Variants in ZNF75D observed in about 807,000 individuals in gnomAD.
ZNF75D encodes the protein zinc finger protein 75.
ZNF75D carries 33 observed loss-of-function variants against 33.3 expected under a neutral mutation model. The ratio of observed to expected loss-of-function variants is 0.99; its 90% CI spans 0.75 to 1.32. The LOEUF (loss-of-function observed/expected upper bound fraction) is 1.32, where lower values mean the gene tolerates loss of function less well. Ranked by LOEUF, ZNF75D falls within the 40% of genes most tolerant of loss-of-function variation. ZNF75D has a pLI of 0.00. For missense variants in ZNF75D, 338 were observed against 367.5 expected (o/e 0.92, Z 0.66); for synonymous variants, 113 against 130.6 (o/e 0.87, Z 0.92).
chrX:135,318,700 G>T (rs1472527122), intron 1 of ZNF75D, among the ~76,000 whole-genome samples: 1 of 110,808 alleles, frequency 9.0e-6, no homozygotes, highest in African/African-American at 3.3e-5. Flanking sequence ...CCAGACAAAA[G>T]ATGCCTTAAA....
chrX:135,329,495 C>G (rs2084625357), intron 1 of ZNF75D, among the ~76,000 whole-genome samples: 1 of 111,975 alleles, frequency 8.9e-6, no homozygotes, highest in African/African-American at 3.3e-5. Context: ...CCAGGGTGTT[C>G]TCAAACGCCT....
intron 1 of ZNF75D, among the ~76,000 whole-genome samples, chrX:135,306,337 G>A (rs1408401463): frequency 1.9e-4 from 17 of 88,475 alleles, no homozygotes; most frequent in African/African-American, 7.1e-4. Context: ...ACACACACAC[G>A]GGATTATAAA....
At chrX:135,263,786 C>A (rs1556415936) in intron 1 of ZNF75D, among the ~76,000 whole-genome samples, 1 of 112,823 alleles carries the variant, frequency 8.9e-6, no homozygotes, top group Admixed American at 9.3e-5. Flanking sequence ...TGAGGCGACA[C>A]CCCGCCCTGC....
At chrX:135,268,997 GA>G (rs1455954951) in intron 1 of ZNF75D, among the ~76,000 whole-genome samples, 5 of 111,736 alleles carry the variant, frequency 4.5e-5, no homozygotes, top group African/African-American at 1.6e-4. Flanking sequence ...ATACACTGGG[GA>G]AAAGACAGTC....
At chrX:135,320,522 G>T (rs2148487735) in intron 1 of ZNF75D, among the ~76,000 whole-genome samples, 1 of 111,353 alleles carries the variant, frequency 9.0e-6, no homozygotes, top group Admixed American at 9.5e-5. Context: ...GCCCTTATCT[G>T]GTTGTCTGGT....
intron 1 of ZNF75D, among the ~76,000 whole-genome samples, chrX:135,303,930 TG>T (rs2084253139): frequency 8.9e-6 from 1 of 112,796 alleles, no homozygotes; most frequent in South Asian, 3.7e-4. Context: ...GACAAGCAGT[TG>T]GGCTCCTTAA....
At chrX:135,323,668 C>G (rs1640120670) in intron 1 of ZNF75D, among the ~76,000 whole-genome samples, 1 of 111,988 alleles carries the variant, frequency 8.9e-6, no homozygotes, top group African/African-American at 3.2e-5. Context: ...TCAATGTAAT[C>G]TGAGACACAC....
In ZNF75D at chrX:135,287,197, G is replaced by T. The variant is rs1326491646; in HGVS notation, c.1473C>A (p.Ser491Arg). The T allele has an allele frequency of 8.3e-6, 10 of 1,210,901 alleles. No homozygotes were observed. The highest frequency in any genetic ancestry group is 1.0e-5 in the Non-Finnish European group (9 of 895,304). ...TGTGGAGTTTCTGGTGTCTAAGAAG[G>T]CTCGATCGCCTACTAAAGTTTCTCT... Reference protein sequence around the residue: ...LCKRNFSRRSSLLRHQKLHRR... With the variant: ...LCKRNFSRRSRLLRHQKLHRR... Residue 491 changes from serine (S) to arginine (R), a missense_variant, in exon 7 of 7, where the codon AGC becomes AGA. By Grantham distance (110) the Ser-to-Arg change is moderately radical. Transcript: ENST00000370766.
chrX:135,292,306 T>G lies in ZNF75D; in HGVS notation c.579A>C (p.Lys193Asn), dbSNP rs2148471378. Residue 193 changes from lysine (K) to asparagine (N), a missense_variant, in exon 4 of 7, where the codon AAA becomes AAC. By Grantham distance (94) the Lys-to-Asn change is moderately conservative. Around this residue, in one of 3 missense-constraint regions of ZNF75D, gnomAD observed 254 missense variants for 267.7 expected, o/e 0.95. Coordinates refer to ENST00000370766, the MANE Select transcript of ZNF75D (RefSeq NM_007131.5). ...CTCTTTCATATACAGGCTGGGTTTCTTTGTGAGTGTTCCAGCCCAGCTGTT... is the reference window on the plus strand; with the variant it reads ...CTCTTTCATATACAGGCTGGGTTTCGTTGTGAGTGTTCCAGCCCAGCTGTT... ...LQEQLGWNTHKETQPVYERAV... is the reference protein window; with the variant it reads ...LQEQLGWNTHNETQPVYERAV... The G allele has an allele frequency of 8.3e-7, 1 of 1,209,824 alleles. No individual in the cohort carries two copies. Among genetic ancestry groups the G allele is most frequent in the South Asian group, 1.8e-5 (1 of 56,755 alleles).
rs1314378729 is a variant in ZNF75D at position 135,287,706 on chromosome X, C to T, written c.964G>A (p.Asp322Asn). The change falls in exon 7 of 7, where the codon GAT (aspartate) becomes AAT (asparagine). Residue 322 changes from aspartate (D) to asparagine (N), a missense_variant. Asp to Asn is a conservative substitution (Grantham distance 23). This residue lies in a region of ZNF75D where 254 missense variants were observed against 267.7 expected (regional missense o/e 0.95). Transcript: ENST00000370766. Reference sequence around the variant, plus strand: ...TGCCATTTCTGTACACTGTGTGTATCACCAGGATTTTCCCTGCCCATTGTT... The same window carrying T: ...TGCCATTTCTGTACACTGTGTGTATTACCAGGATTTTCCCTGCCCATTGTT... ...QKTMGRENPGDTHSVQKWHRA... is the reference protein window; with the variant it reads ...QKTMGRENPGNTHSVQKWHRA... 8.3e-7 allele frequency: 1 copy of T among 1,210,590 alleles called. No homozygotes were observed. The highest frequency in any genetic ancestry group is 1.1e-6 in the Non-Finnish European group (1 of 895,299).
chrX:135,303,934 C>T (rs184243651), intron 1 of ZNF75D, among the ~76,000 whole-genome samples: 13 of 112,802 alleles, frequency 1.2e-4, no homozygotes, highest in African/African-American at 3.9e-4. Flanking sequence ...AGCAGTTGGG[C>T]TCCTTAAACA....
chrX:135,270,892 G>A (rs782569563), intron 1 of ZNF75D, among the ~76,000 whole-genome samples: 4 of 112,088 alleles, frequency 3.6e-5, no homozygotes, highest in East Asian at 2.8e-4. Context: ...ATCTTGCCTC[G>A]AATATTTTAA....
chrX:135,258,646 GTTT>G (rs1205805577), intron 1 of ZNF75D, among the ~76,000 whole-genome samples: 1 of 111,260 alleles, frequency 9.0e-6, no homozygotes, highest in Non-Finnish European at 1.9e-5. Flanking sequence ...GGGGTTGTTT[GTTT>G]TTTTCTTGCA....
At chrX:135,296,403 T>C (rs1212979284) in intron 1 of ZNF75D, among the ~76,000 whole-genome samples, 1 of 111,700 alleles carries the variant, frequency 9.0e-6, no homozygotes, top group Admixed American at 9.5e-5. Flanking sequence ...CAGCCCATTC[T>C]ACCAGGAGCC....
chrX:135,268,692 A>G (rs2083871446), intron 1 of ZNF75D, among the ~76,000 whole-genome samples: 1 of 111,040 alleles, frequency 9.0e-6, no homozygotes, highest in African/African-American at 3.3e-5. Flanking sequence ...TACAGATTCA[A>G]TGCAATCCCT....
chrX:135,258,754 A>C (rs1185829549), intron 1 of ZNF75D, among the ~76,000 whole-genome samples: 1 of 111,227 alleles, frequency 9.0e-6, no homozygotes, highest in Non-Finnish European at 1.9e-5. Flanking sequence ...TTGCCTGTTC[A>C]CTCTGATGGT....
At chrX:135,297,647 T>C (rs1403604025) in intron 1 of ZNF75D, 1 of 112,704 alleles carries the variant, frequency 8.9e-6, no homozygotes, top group African/African-American at 3.2e-5. Context: ...AAAGAGAATA[T>C]TGTAATTTTG....
chrX:135,260,328 T>C (rs1245774886), intron 1 of ZNF75D, among the ~76,000 whole-genome samples: 6 of 112,337 alleles, frequency 5.3e-5, no homozygotes, highest in African/African-American at 1.3e-4. Context: ...TAGGGAGGAT[T>C]TCCTCTTTTT....
intron 1 of ZNF75D, among the ~76,000 whole-genome samples, chrX:135,273,163 G>T: frequency 9.0e-6 from 1 of 111,573 alleles, no homozygotes; most frequent in Non-Finnish European, 1.9e-5. Context: ...GCTCCATACA[G>T]GGGAATATCT....
Sources: allele counts gnomAD v4.1 joint callset (sites outside exome capture counted in the v4.1 genomes callset), GRCh38; gene constraint gnomAD v4.1.1; regional missense constraint gnomAD v4.1.1; transcripts MANE v1.5; gene names NCBI Gene and HGNC (gene_info 2026-07-23, HGNC 2026-07-21).